The following GREP1 variants were observed in gnomAD, a reference collection of about 807,000 sequenced individuals.
GREP1 encodes glycine rich extracellular protein 1.
chr16:3,001,244 G>T, intron 33 of GREP1, 37 bp from the exon 28 acceptor site: 1 of 399,164 alleles, frequency 2.5e-6, no homozygotes, highest in East Asian at 3.6e-5. Context: ...GCTCTCTGGT[G>T]ACCCGAGTGC....
In GREP1 at chr16:3,000,080, C is replaced by T. The variant is rs1037760751; in HGVS notation, c.1232-6C>T. ...CATCTCTGAGTCACAGTTTTCTCTC[C>T]CCCAGGTTTTAATGGTGGCCTCGAG... On this transcript the variant is annotated splice_region_variant and splice_polypyrimidine_tract_variant and intron_variant, in intron 28 of 34. Transcript: ENST00000573315. 3 of 398,864 alleles carry T rather than the reference C, an allele frequency of 7.5e-6. No homozygotes were observed. Among genetic ancestry groups the T allele is most frequent in the African/African-American group, 2.1e-5 (1 of 48,610 alleles). 24.7% of individuals were successfully genotyped at this position (398,864 alleles called of 1,614,324 possible).
intron 19 of GREP1, 27 bp downstream of exon 18, chr16:2,996,558 AG>A (rs1248813720): frequency 1.3e-5 from 5 of 398,876 alleles, no homozygotes; most frequent in East Asian, 7.1e-5. Context: ...CTGGCTCGCG[AG>A]GGGTCGGGAG....
At chr16:2,997,891 C>T (rs2072434672) in intron 23 of GREP1, 56 bp downstream of exon 21, 1 of 398,646 alleles carries the variant, frequency 2.5e-6, no homozygotes, top group Non-Finnish European at 4.4e-6. Flanking sequence ...TACCCCTCCA[C>T]CCTTTTCCCC....
At chr16:2,988,333 C>T (rs1177356484) in exon 1 of GREP1, 3 of 399,246 alleles carry the variant, frequency 7.5e-6, no homozygotes, top group Non-Finnish European at 1.3e-5. Flanking sequence ...CTTCCGAGAG[C>T]CTGCAAGGTG....
exon 35 of GREP1, chr16:3,001,722 G>A: frequency 2.5e-6 from 1 of 398,480 alleles, no homozygotes; most frequent in Non-Finnish European, 4.4e-6. Context: ...TGCCATGCAA[G>A]GGGCTTGCTG....
rs2072387159 is a variant in GREP1, at chr16:2,989,342, T to C, written c.101-181T>C. ...CTGAGACCTGGAAAGGGAGGTGGCA[T>C]CCAGATTTGGGCCCCTTTGTCCCCT... On this transcript the variant is annotated intron_variant, in intron 2 of 34. Transcript: ENST00000573315. The surrounding 1 kb of genome is among the most constrained non-coding windows in gnomAD (Gnocchi z 4.2). 1.0e-5 allele frequency: 4 copies of C among 397,068 alleles called. No individual in the cohort carries two copies. The East Asian group carries it at 1.4e-4, about 14-fold the overall frequency. The allele number at this position is 397,068 out of a possible 1,614,324, so 24.6% of individuals were successfully genotyped here.
Position 2,991,260 on chromosome 16 carries a change from C to A in GREP1, c.322+159C>A. 2.5e-6 allele frequency: 1 copy of A among 395,988 alleles called. No homozygotes were observed. The highest frequency in any genetic ancestry group is 4.4e-6 in the Non-Finnish European group (1 of 224,926). 24.5% of individuals were successfully genotyped at this position (395,988 alleles called of 1,614,324 possible). On this transcript the variant is annotated intron_variant, in intron 8 of 34. Transcript: ENST00000573315. The surrounding 1 kb of genome is among the most constrained non-coding windows in gnomAD (Gnocchi z 4.9). ...CCCAGGCCTGGGAGTGGGCGTGAAA[C>A]CTCCGAAGCCAGGTGAGGCAGAGCC...
chr16:2,998,921 G>A, exon 26 of GREP1: 1 of 399,130 alleles, frequency 2.5e-6, no homozygotes, highest in Non-Finnish European at 4.4e-6. Flanking sequence ...CGGACAAAGA[G>A]GGTGGCTGGG....
At chr16:2,999,004 G>C in intron 26 of GREP1, 25 bp downstream of exon 24, 1 of 399,092 alleles carries the variant, frequency 2.5e-6, no homozygotes, top group Admixed American at 4.4e-5. Context: ...GGGGTGCCTA[G>C]GGGGCACTGG....
chr16:3,000,862 T>C (rs2072457869), intron 33 of GREP1, 35 bp downstream of exon 27: 2 of 398,652 alleles, frequency 5.0e-6, no homozygotes, highest in East Asian at 3.6e-5. Context: ...GTTGGGGCCA[T>C]TAGAGGTGGC....
At chr16:2,999,356 G>A (rs1483169457) in intron 27 of GREP1, 3 of 398,366 alleles carry the variant, frequency 7.5e-6, no homozygotes, top group African/African-American at 2.1e-5. Context: ...CTCTCAGCTA[G>A]GTCTATCCTC....
chr16:2,995,903 C>T (rs2072422151), exon 18 of GREP1: 2 of 398,216 alleles, frequency 5.0e-6, no homozygotes, highest in Admixed American at 4.4e-5. Flanking sequence ...GGGCTGGAAC[C>T]CAGCCAGGTG....
chr16:2,999,215 C>A (rs2072444636), intron 26 of GREP1: 2 of 398,694 alleles, frequency 5.0e-6, no homozygotes, highest in Non-Finnish European at 8.8e-6. Context: ...GTCTCTCAAG[C>A]CCTCGGCTGG....
Position 2,989,827 on chromosome 16 carries a change from A to G in GREP1, c.131-147A>G. On this transcript the variant is annotated intron_variant, in intron 3 of 34. Transcript: ENST00000573315. The surrounding 1 kb of genome is among the most constrained non-coding windows in gnomAD (Gnocchi z 4.2). ...GAAGGAGGGAGGGAAGGAGGCTGAT[A>G]GCACCCACCTGTGCCCCACAGCCCT... 2.5e-6 allele frequency: 1 copy of G among 397,864 alleles called. No individual in the cohort carries two copies. 24.6% of individuals were successfully genotyped at this position (397,864 alleles called of 1,614,324 possible). A position where few individuals can be genotyped will look rare whatever the true frequency, so the allele number is the denominator to read the frequency against.
At position 2,998,486 on chromosome 16, in the gene GREP1, C is replaced by T. The variant is rs1355560811; in HGVS notation, c.983-8C>T. On this transcript the variant is annotated splice_polypyrimidine_tract_variant and splice_region_variant and intron_variant, in intron 24 of 34. Coordinates refer to ENST00000573315, the Ensembl canonical transcript of GREP1. ...GTTGCCACACTCATCTCTGCTTTCC[C>T]TCTCCAGGACACGGCCATGAAAATG... 5.0e-6 allele frequency: 2 copies of T among 399,114 alleles called. No homozygotes were observed. Among genetic ancestry groups the T allele is most frequent in the Non-Finnish European group, 4.4e-6 (1 of 226,206 alleles). The allele number at this position is 399,114 out of a possible 1,614,324, so 24.7% of individuals were successfully genotyped here. A position where few individuals can be genotyped will look rare whatever the true frequency, so the allele number is the denominator to read the frequency against.
chr16:2,995,701 C>G (rs1035818171), intron 16 of GREP1, 38 bp from the exon 17 acceptor site: 3 of 398,518 alleles, frequency 7.5e-6, no homozygotes, highest in African/African-American at 6.2e-5. Flanking sequence ...TGGGTGGGGC[C>G]CCTGAGTCAC....
chr16:2,991,417 C>A lies in GREP1; in HGVS notation c.322+316C>A. 3.6e-6 allele frequency: 1 copy of A among 280,066 alleles called. No individual in the cohort carries two copies. The highest frequency in any genetic ancestry group is 6.6e-6 in the Non-Finnish European group (1 of 151,278). The allele number at this position is 280,066 out of a possible 1,614,324, so 17.3% of individuals were successfully genotyped here. On this transcript the variant is annotated intron_variant, in intron 8 of 34. Transcript: ENST00000573315. The surrounding 1 kb of genome is among the most constrained non-coding windows in gnomAD (Gnocchi z 4.9). The stretch of plus-strand genomic sequence containing the variant: ...AGTGGTTTGGGCGCTGGCACTCTTC[C>A]AGGGGCAGGAACCCCACCAGGTGAG...
At chr16:2,995,560 T>G (rs2151100661) in intron 15 of GREP1, 59 bp from the exon 16 acceptor site, 1 of 398,548 alleles carries the variant, frequency 2.5e-6, no homozygotes, top group Non-Finnish European at 4.4e-6. Flanking sequence ...CCTCCAGGAT[T>G]CCCTTACCTC....
exon 18 of GREP1, chr16:2,995,893 G>A (rs536104699): frequency 1.7e-4 from 68 of 398,442 alleles, no homozygotes; most frequent in African/African-American, 1.1e-3. Flanking sequence ...GCCTTCCCTG[G>A]GGCTGGAACC....
Sources: gnomAD v4.1 joint callset for allele counts on GRCh38, gnomAD v4.1.1 for gene constraint, Gnocchi (gnomAD v3.1) non-coding constraint, MANE v1.5 for transcripts, NCBI Gene and HGNC (gene_info 2026-07-23, HGNC 2026-07-21) for gene names.